SYT6: variants seen among roughly 807,000 people sequenced by gnomAD.
The protein encoded by SYT6 is synaptotagmin-6.
In SYT6, 24 loss-of-function variants were observed where a neutral mutation model predicts 38.4. The observed-to-expected ratio is 0.62, with a 90% CI of 0.45 to 0.88. SYT6 has a LOEUF of 0.88. Among genes scored for constraint, SYT6 ranks in the 40% least tolerant of loss-of-function variants. The pLI, the probability that SYT6 is intolerant of heterozygous loss-of-function variation, is 0.00. For synonymous variants in SYT6, 265 were observed against 241.9 expected, an observed-to-expected ratio of 1.10 and a Z score of -0.89; for missense variants, 611 against 621.0, an observed-to-expected ratio of 0.98 and a Z score of 0.17.
chr1:114,125,123 G>C (rs994287938), intron 3 of SYT6, among the ~76,000 whole-genome samples: 2 of 152,218 alleles, frequency 1.3e-5, no homozygotes, highest in African/African-American at 4.8e-5. Flanking sequence ...CACAGGTTTT[G>C]TGAAGAAAAC....
At chr1:114,097,450 T>C (rs1675700860) in intron 6 of SYT6, among the ~76,000 whole-genome samples, 1 of 152,238 alleles carries the variant, frequency 6.6e-6, no homozygotes, top group Non-Finnish European at 1.5e-5. Flanking sequence ...ATTTCAGACC[T>C]GGCACAGTGG....
chr1:114,111,520 T>C (rs1676676304), intron 3 of SYT6, among the ~76,000 whole-genome samples: 1 of 152,226 alleles, frequency 6.6e-6, no homozygotes, highest in Non-Finnish European at 1.5e-5. Flanking sequence ...CTTCATCTTG[T>C]TCTTTCTACC....
chr1:114,131,636 T>A (rs1359592280), intron 3 of SYT6, among the ~76,000 whole-genome samples: 2 of 152,218 alleles, frequency 1.3e-5, no homozygotes, highest in Non-Finnish European at 2.9e-5. Flanking sequence ...GGCACCCTGA[T>A]ATGGAGGGCT....
At chr1:114,126,739 T>C (rs769571963) in intron 3 of SYT6, among the ~76,000 whole-genome samples, 2 of 152,234 alleles carry the variant, frequency 1.3e-5, no homozygotes, top group Non-Finnish European at 2.9e-5. Context: ...AGGCACAGCA[T>C]ACTAATGAGG....
intron 1 of SYT6, among the ~76,000 whole-genome samples, chr1:114,147,136 G>A (rs1000398474): frequency 5.9e-5 from 9 of 152,092 alleles, no homozygotes; most frequent in African/African-American, 2.2e-4. Context: ...TAATATAATG[G>A]TTTTGGACAT....
At chr1:114,116,989 C>T (rs139093131) in intron 3 of SYT6, among the ~76,000 whole-genome samples, 20 of 152,312 alleles carry the variant, frequency 1.3e-4, no homozygotes, top group African/African-American at 4.1e-4. Context: ...TCTAGACCCA[C>T]GACTAATCAT....
chr1:114,143,476 A>G (rs556595335), intron 1 of SYT6, among the ~76,000 whole-genome samples: 6 of 148,826 alleles, frequency 4.0e-5, no homozygotes, highest in Admixed American at 6.7e-5. Context: ...CTATATATAC[A>G]TACATACATA....
chr1:114,142,001 C>T (rs1678890787), intron 1 of SYT6, among the ~76,000 whole-genome samples: 1 of 152,344 alleles, frequency 6.6e-6, no homozygotes, highest in East Asian at 1.9e-4. Context: ...ATTGACTATG[C>T]ACCTAGTCAC....
At chr1:114,147,108 C>A (rs1679193847) in intron 1 of SYT6, among the ~76,000 whole-genome samples, 1 of 152,204 alleles carries the variant, frequency 6.6e-6, no homozygotes, top group South Asian at 2.1e-4. Flanking sequence ...AAACCAAGAA[C>A]AATCTTACTA....
intron 3 of SYT6, among the ~76,000 whole-genome samples, chr1:114,108,962 A>C (rs1211590903): frequency 6.6e-6 from 1 of 152,140 alleles, no homozygotes; most frequent in Non-Finnish European, 1.5e-5. Flanking sequence ...AGATCTCAGA[A>C]GCACTGGGCA....
intron 1 of SYT6, among the ~76,000 whole-genome samples, chr1:114,153,186 C>G (rs892539889): frequency 5.3e-5 from 8 of 152,230 alleles, no homozygotes; most frequent in African/African-American, 1.9e-4. Context: ...GACGCACGGA[C>G]CCGGGGACCT....
rs139579854 is a variant in SYT6 at position 114,145,458 on chromosome 1, T to C, written c.164-5495A>G. On this transcript the variant is annotated intron_variant, in intron 1 of 7. Transcript: ENST00000610222. ...TCTGAAGTATCACCTCTGTGGAACA[T>C]GTATGTAACTTGGGAACAAAAAAAC... is the stretch of plus-strand genomic sequence containing the variant. 2.3e-3 allele frequency among the ~76,000 whole-genome samples: 356 copies of C among 151,606 alleles called. 1 individual carries two copies. The highest frequency in any genetic ancestry group is 8.0e-3 in the African/African-American group (332 of 41,264).
Position 114,137,678 on chromosome 1 carries a change from C to A in SYT6, c.888G>T (p.Glu296Asp). The change falls in exon 3 of 8, where the codon GAG becomes GAT. Residue 296 changes from glutamate (E) to aspartate (D), a missense_variant. By Grantham distance (45) the Glu-to-Asp change is conservative (BLOSUM62 2). Transcript: ENST00000610222. ...CATAGGGCACAGGGAAGTGGAAGTT[C>A]TCATCAAAGGTGGGGTTCAGGGTCT... ...HRKTLNPTFD[E>D]NFHFPVPYEE... 1 of 1,613,858 alleles carries A rather than the reference C, an allele frequency of 6.2e-7. No homozygotes were observed. Among genetic ancestry groups the A allele is most frequent in the Non-Finnish European group, 8.5e-7 (1 of 1,179,790 alleles).
intron 3 of SYT6, among the ~76,000 whole-genome samples, chr1:114,109,041 C>G (rs1367762528): frequency 6.6e-6 from 1 of 152,128 alleles, no homozygotes; most frequent in Non-Finnish European, 1.5e-5. Flanking sequence ...GAGGTAGAAG[C>G]CAGTTGGACT....
At chr1:114,131,306 C>G (rs144185293) in intron 3 of SYT6, among the ~76,000 whole-genome samples, 58 of 152,284 alleles carry the variant, frequency 3.8e-4, no homozygotes, top group African/African-American at 1.3e-3. Context: ...TAGATCCTTC[C>G]CCAAGTCCAA....
chr1:114,133,978 G>C lies in SYT6; in HGVS notation c.1071+3517C>G, dbSNP rs74338956. ...GGTACTTCAAGTCAAGCACCAGGGT[G>C]GGGGTGGGAACAAGGGACCTGCCTG... On this transcript the variant is annotated intron_variant, in intron 3 of 7. Coordinates refer to ENST00000610222, the MANE Select transcript of SYT6 (RefSeq NM_001253772.2). 5.3e-4 allele frequency among the ~76,000 whole-genome samples: 81 copies of C among 152,336 alleles called. 1 individual carries two copies. In the East Asian group the frequency reaches 0.013, roughly 25 times the overall value.
At chr1:114,140,585 G>A (rs1448575823) in intron 1 of SYT6, among the ~76,000 whole-genome samples, 2 of 152,032 alleles carry the variant, frequency 1.3e-5, no homozygotes, top group Non-Finnish European at 2.9e-5. Context: ...CAAGGATTAT[G>A]TTCTTCTGTA....
intron 3 of SYT6, among the ~76,000 whole-genome samples, chr1:114,136,383 C>A (rs1268165834): frequency 6.6e-6 from 1 of 152,208 alleles, no homozygotes; most frequent in Non-Finnish European, 1.5e-5. Context: ...AACCTGTTAG[C>A]ACTCAAGAGA....
rs56267507 is a variant in SYT6 at position 114,136,548 on chromosome 1, G to A, written c.1071+947C>T. ...CTGGAGCGAAGGGCTATGCCAGACC[G>A]AAGGGCTCCAGATGTGTCCTCTCCA... is the stretch of plus-strand genomic sequence containing the variant. On this transcript the variant is annotated intron_variant, in intron 3 of 7. Coordinates refer to ENST00000610222, the MANE Select transcript of SYT6 (RefSeq NM_001253772.2). 8.2e-3 allele frequency among the ~76,000 whole-genome samples: 1,242 copies of A among 152,286 alleles called. 12 individuals are homozygous for A. The highest frequency in any genetic ancestry group is 0.029 in the African/African-American group (1,190 of 41,560).
Sources: allele counts gnomAD v4.1 joint callset (sites outside exome capture counted in the v4.1 genomes callset), GRCh38; gene constraint gnomAD v4.1.1; transcripts MANE v1.5; gene names NCBI Gene and HGNC (gene_info 2026-07-23, HGNC 2026-07-21).